The following HYDIN variants were observed in gnomAD, a reference collection of about 807,000 sequenced individuals.
The protein encoded by HYDIN is HYDIN axonemal central pair apparatus protein, also known as axonemal central pair apparatus protein HYDIN.
Under a neutral mutation model 403.9 loss-of-function variants are expected in HYDIN, and 132 were observed. The ratio of observed to expected loss-of-function variants is 0.33; its 90% CI spans 0.28 to 0.38. HYDIN has a LOEUF of 0.38. Among genes scored for constraint, HYDIN ranks in the 10% least tolerant of loss-of-function variants. The pLI is 1.00. For missense variants in HYDIN, 2,827 were observed against 5,009.5 expected (o/e 0.56, Z 13.15); for synonymous variants, 1,202 against 1,891.7 (o/e 0.64, Z 9.46).
chr16:70,978,301 C>T (rs1334929158), intron 30 of HYDIN, among the ~76,000 whole-genome samples: 3 of 150,038 alleles, frequency 2.0e-5, no homozygotes, highest in African/African-American at 7.3e-5. Flanking sequence ...CCACCCAGTT[C>T]GCCCTGTCCC....
intron 40 of HYDIN, among the ~76,000 whole-genome samples, chr16:70,953,343 G>A (rs1185134732): frequency 6.6e-6 from 1 of 152,202 alleles, no homozygotes; most frequent in Non-Finnish European, 1.5e-5. Flanking sequence ...GCTTACATGG[G>A]GTCGGGGCAG....
intron 73 of HYDIN, among the ~76,000 whole-genome samples, chr16:70,851,188 A>T (rs1209553604): frequency 2.3e-5 from 3 of 130,000 alleles, no homozygotes; most frequent in East Asian, 4.8e-4. Context: ...GACAAGTGGG[A>T]CCCAATCAAT....
intron 18 of HYDIN, among the ~76,000 whole-genome samples, chr16:71,058,621 A>C (rs2081980243): frequency 2.1e-5 from 1 of 47,782 alleles, no homozygotes; most frequent in Non-Finnish European, 5.4e-5. Flanking sequence ...AATAAAATTA[A>C]AAAAAAAAAA....
chr16:70,970,567 C>G lies in HYDIN; in HGVS notation c.5572G>C (p.Glu1858Gln). ...TGATCAAATTCTAAGGAATAAAACT[C>G]AATGGGGAAGTTGCAGGGATTCTTC... ...IVKNPCNFPI[E>Q]FYSLEFDQQY... The change falls in exon 36 of 86, where the codon GAG becomes CAG. Residue 1858 changes from glutamate to glutamine, a missense_variant. Transcript: ENST00000393567. 7.4e-7 allele frequency: 1 copy of G among 1,353,786 alleles called. No individual in the cohort carries two copies. Among genetic ancestry groups the G allele is most frequent in the Non-Finnish European group, 1.0e-6 (1 of 956,372 alleles). The allele number at this position is 1,353,786 out of a possible 1,614,324, so 83.9% of individuals were successfully genotyped here.
chr16:71,152,428 G>C (rs1325848538), intron 7 of HYDIN, among the ~76,000 whole-genome samples: 2 of 149,584 alleles, frequency 1.3e-5, no homozygotes, highest in Non-Finnish European at 3.0e-5. Flanking sequence ...AAGTTCTTTC[G>C]TAGTGATTTC....
intron 23 of HYDIN, among the ~76,000 whole-genome samples, chr16:71,011,464 C>T (rs1441269919): frequency 9.9e-5 from 15 of 151,758 alleles, no homozygotes; most frequent in Non-Finnish European, 1.8e-4. Flanking sequence ...CCTAGCACTT[C>T]GGGAGACTGA....
intron 43 of HYDIN, chr16:70,941,429 C>G (rs943443483): frequency 4.2e-5 from 16 of 383,424 alleles, no homozygotes; most frequent in African/African-American, 3.1e-4. Flanking sequence ...TGGAGGGGTA[C>G]AGTGTGATGG....
chr16:70,831,054 C>A (rs2036946259), intron 80 of HYDIN, among the ~76,000 whole-genome samples: 1 of 151,020 alleles, frequency 6.6e-6, no homozygotes. Context: ...CTGCTTCAGC[C>A]TCCCAAAGTG....
intron 7 of HYDIN, among the ~76,000 whole-genome samples, chr16:71,148,782 G>A (rs2144566709): frequency 7.1e-6 from 1 of 141,830 alleles, no homozygotes; most frequent in East Asian, 2.0e-4. Flanking sequence ...TTTTTAAGAT[G>A]GAGTCTCACT....
chr16:71,197,390 C>G (rs1026437486), intron 1 of HYDIN, among the ~76,000 whole-genome samples: 1 of 152,202 alleles, frequency 6.6e-6, no homozygotes, highest in South Asian at 2.1e-4. Context: ...GAATTTTGAC[C>G]TTGACTCTGC....
At chr16:70,942,698 T>C (rs1313610048) in intron 42 of HYDIN, among the ~76,000 whole-genome samples, 2 of 152,104 alleles carry the variant, frequency 1.3e-5, no homozygotes, top group African/African-American at 4.8e-5. Context: ...AAACACACTA[T>C]TTGGTTCAGC....
rs565165052 is a variant in HYDIN, at chr16:70,910,068, TTTC to T, written c.8005-1210_8005-1208del. On this transcript the variant is annotated intron_variant, in intron 47 of 85. Coordinates refer to ENST00000393567, the MANE Select transcript of HYDIN (RefSeq NM_001270974.2). ...AGTTCCTATATTGTGTTTTGTTATG[TTTC>T]TTTTTTAATTTTTTATTATTTTTCT... Among the ~76,000 whole-genome samples the T allele has an allele frequency of 6.7e-4, 102 of 152,250 alleles. 1 individual carries two copies. Among genetic ancestry groups the T allele is most frequent in the African/African-American group, 2.0e-3 (85 of 41,544 alleles).
At chr16:70,867,022 C>T (rs1326212184) in intron 66 of HYDIN, among the ~76,000 whole-genome samples, 1 of 113,970 alleles carries the variant, frequency 8.8e-6, no homozygotes, top group East Asian at 2.2e-4. Flanking sequence ...AAAACTCTGT[C>T]CCCCTCAAAA....
Position 71,064,687 on chromosome 16 carries a change from A to G in HYDIN, c.2211+18T>C. 1.9e-6 allele frequency: 3 copies of G among 1,604,542 alleles called. No individual in the cohort carries two copies. Among genetic ancestry groups the G allele is most frequent in the Non-Finnish European group, 2.5e-6 (3 of 1,176,858 alleles). ...AATGGAAGAATAATTAATACTGAAG[A>G]AGGAGAAAGGAACTCACCTGAGGCT... On this transcript the variant is annotated intron_variant, in intron 16 of 85. Coordinates refer to ENST00000393567, the MANE Select transcript of HYDIN (RefSeq NM_001270974.2).
intron 23 of HYDIN, among the ~76,000 whole-genome samples, chr16:71,008,482 G>C (rs1260421529): frequency 6.6e-6 from 1 of 152,144 alleles, no homozygotes; most frequent in Non-Finnish European, 1.5e-5. Flanking sequence ...GATTACGGCA[G>C]CTTCCTTTCA....
At chr16:71,092,373 G>T (rs1251065868) in intron 11 of HYDIN, among the ~76,000 whole-genome samples, 1 of 152,192 alleles carries the variant, frequency 6.6e-6, no homozygotes, top group Non-Finnish European at 1.5e-5. Flanking sequence ...CTGCTCACTA[G>T]AAACCTTTGT....
intron 1 of HYDIN, among the ~76,000 whole-genome samples, chr16:71,207,438 A>G (rs192867924): frequency 6.6e-6 from 1 of 152,210 alleles, no homozygotes; most frequent in East Asian, 1.9e-4. Context: ...CAGTCAATAT[A>G]GAAAGACCAT....
chr16:71,208,874 A>G (rs562617283), intron 1 of HYDIN, among the ~76,000 whole-genome samples: 8 of 152,316 alleles, frequency 5.3e-5, no homozygotes, highest in African/African-American at 1.9e-4. Flanking sequence ...ACAGACTAAT[A>G]ACAAGCTCTG....
At chr16:70,843,310 G>C (rs946294371) in intron 75 of HYDIN, among the ~76,000 whole-genome samples, 1 of 143,816 alleles carries the variant, frequency 7.0e-6, no homozygotes, top group East Asian at 2.1e-4. Context: ...TTTTGTTCTT[G>C]CGATAGTTTA....
Sources: gnomAD v4.1 joint callset for allele counts (sites outside exome capture counted in the v4.1 genomes callset) on GRCh38, gnomAD v4.1.1 for gene constraint, MANE v1.5 for transcripts, NCBI Gene and HGNC (gene_info 2026-07-23, HGNC 2026-07-21) for gene names.